Variants in CNTNAP4 observed in about 807,000 individuals in gnomAD.
The protein encoded by CNTNAP4 is contactin associated protein family member 4.
A neutral mutation model predicts 148.4 loss-of-function variants in CNTNAP4; 98 were observed. That is an observed-to-expected ratio of 0.66 (90% CI 0.56 to 0.78). The LOEUF is 0.78. Ranked by LOEUF, CNTNAP4 falls within the 30% of genes least tolerant of loss-of-function variation. CNTNAP4 has a pLI of 0.00. For synonymous variants in CNTNAP4, 730 were observed against 565.1 expected (o/e 1.29, Z -4.14); for missense variants, 1,935 against 1,565.6 (o/e 1.24, Z -3.98).
intron 4 of CNTNAP4, among the ~76,000 whole-genome samples, chr16:76,437,584 A>G (rs1024751942): frequency 1.3e-5 from 2 of 152,142 alleles, no homozygotes; most frequent in South Asian, 4.1e-4. Flanking sequence ...GAATGGGTTC[A>G]TGATAATAAT....
intron 8 of CNTNAP4, among the ~76,000 whole-genome samples, chr16:76,459,908 C>G (rs1379931199): frequency 6.6e-6 from 1 of 152,128 alleles, no homozygotes; most frequent in African/African-American, 2.4e-5. Context: ...ATTCATGACA[C>G]TGGGGCTTCC....
chr16:76,510,386 T>G (rs1373994347), intron 15 of CNTNAP4, among the ~76,000 whole-genome samples: 3 of 152,176 alleles, frequency 2.0e-5, no homozygotes, highest in Admixed American at 2.0e-4. Flanking sequence ...ACATTTTGTT[T>G]AATCACTCAT....
At chr16:76,443,314 C>G (rs1327022578) in intron 4 of CNTNAP4, among the ~76,000 whole-genome samples, 1 of 152,060 alleles carries the variant, frequency 6.6e-6, no homozygotes, top group Admixed American at 6.6e-5. Flanking sequence ...TCACATTTTT[C>G]CTATGGTCAA....
At chr16:76,456,019 AAGAG>A (rs1327362011) in intron 8 of CNTNAP4, among the ~76,000 whole-genome samples, 1 of 152,164 alleles carries the variant, frequency 6.6e-6, no homozygotes, top group African/African-American at 2.4e-5. Context: ...CAGAAAGGGA[AAGAG>A]AGAGAGAACG....
chr16:76,521,194 C>G lies in CNTNAP4; in HGVS notation c.2420C>G (p.Pro807Arg), dbSNP rs755670107. 1.6e-5 allele frequency: 26 copies of G among 1,609,996 alleles called. No individual in the cohort carries two copies. The highest frequency in any genetic ancestry group is 1.6e-4 in the Middle Eastern group (1 of 6,068). ...ACCGAGGCTTCATATCTTCATTTTCCTACCTTCCACGGAGAACTTAGCGCG... is the reference window on the plus strand; with the variant it reads ...ACCGAGGCTTCATATCTTCATTTTCGTACCTTCCACGGAGAACTTAGCGCG... ...FDTEASYLHF[P>R]TFHGELSADV... Residue 807 changes from proline to arginine, a missense_variant, in exon 16 of 24, where the codon CCT becomes CGT. Pro to Arg is a moderately radical substitution (Grantham distance 103, BLOSUM62 -2). Transcript: ENST00000611870.
At chr16:76,488,836 T>G (rs1366465664) in intron 12 of CNTNAP4, among the ~76,000 whole-genome samples, 2 of 152,192 alleles carry the variant, frequency 1.3e-5, no homozygotes, top group Non-Finnish European at 2.9e-5. Context: ...TTACAAACAT[T>G]GTGAGATTTT....
At chr16:76,450,272 C>G (rs532542365) in intron 7 of CNTNAP4, among the ~76,000 whole-genome samples, 1 of 152,236 alleles carries the variant, frequency 6.6e-6, no homozygotes, top group African/African-American at 2.4e-5. Flanking sequence ...ACCTCAGCCT[C>G]CTGAGTAGCT....
intron 21 of CNTNAP4, among the ~76,000 whole-genome samples, chr16:76,546,905 C>A (rs961600265): frequency 6.6e-6 from 1 of 152,108 alleles, no homozygotes; most frequent in Non-Finnish European, 1.5e-5. Flanking sequence ...AAATTATCCC[C>A]CTTGCTTGAT....
chr16:76,364,397 G>C (rs1323857990), intron 3 of CNTNAP4, among the ~76,000 whole-genome samples: 3 of 152,080 alleles, frequency 2.0e-5, no homozygotes, highest in Non-Finnish European at 2.9e-5. Context: ...AGAGGGACTA[G>C]AGTTAACAGG....
At chr16:76,323,636 C>G (rs1485593978) in intron 2 of CNTNAP4, among the ~76,000 whole-genome samples, 1 of 152,168 alleles carries the variant, frequency 6.6e-6, no homozygotes, top group Non-Finnish European at 1.5e-5. Context: ...ACCTGCCTGG[C>G]TGGTTCCCTC....
At position 76,524,825 on chromosome 16, in the gene CNTNAP4, T is replaced by C. The variant is rs1166702017; in HGVS notation, c.2755+2568T>C. On this transcript the variant is annotated intron_variant, in intron 17 of 23. Transcript: ENST00000611870. ...GTCAAGTCACTGAAAATAAAAAAGA[T>C]GAGGCAACATAAAGATTTGTGAAAA... 2.0e-5 allele frequency among the ~76,000 whole-genome samples: 3 copies of C among 152,086 alleles called. No homozygotes were observed. In the East Asian group the frequency reaches 5.8e-4, roughly 29 times the overall value.
intron 1 of CNTNAP4, among the ~76,000 whole-genome samples, chr16:76,311,423 T>A (rs1961095083): frequency 6.6e-6 from 1 of 152,154 alleles, no homozygotes; most frequent in South Asian, 2.1e-4. Context: ...CGGAAAGCCA[T>A]AGATTTGTAT....
intron 3 of CNTNAP4, among the ~76,000 whole-genome samples, chr16:76,418,657 T>A (rs2144975584): frequency 6.6e-6 from 1 of 151,982 alleles, no homozygotes; most frequent in African/African-American, 2.4e-5. Flanking sequence ...TTTAAGCCCT[T>A]GTCTGATTTT....
intron 21 of CNTNAP4, among the ~76,000 whole-genome samples, chr16:76,551,327 G>T (rs940532305): frequency 6.6e-6 from 1 of 151,682 alleles, no homozygotes. Flanking sequence ...GAGCCTGGGA[G>T]GCAAAAGCTG....
At chr16:76,395,239 T>C (rs1260255333) in intron 3 of CNTNAP4, among the ~76,000 whole-genome samples, 2 of 151,708 alleles carry the variant, frequency 1.3e-5, no homozygotes, top group African/African-American at 4.8e-5. Flanking sequence ...ATTAATTTTT[T>C]TTAACTTTAC....
intron 3 of CNTNAP4, among the ~76,000 whole-genome samples, chr16:76,399,809 A>T (rs74026761): frequency 0.041 from 6,303 of 152,298 alleles, 460 homozygotes; most frequent in African/African-American, 0.15. Flanking sequence ...AAGTATGCTG[A>T]TCACATTAGT....
intron 13 of CNTNAP4, among the ~76,000 whole-genome samples, chr16:76,493,164 A>G (rs930168338): frequency 6.6e-6 from 1 of 152,198 alleles, no homozygotes; most frequent in Non-Finnish European, 1.5e-5. Flanking sequence ...CTGAGGTCAC[A>G]ATAAGAAATA....
chr16:76,355,636 C>A, intron 3 of CNTNAP4, 125 bp downstream of exon 3: 1 of 618,536 alleles, frequency 1.6e-6, no homozygotes. Context: ...AAAACATTTT[C>A]CAAGAGAAAA....
intron 3 of CNTNAP4, among the ~76,000 whole-genome samples, chr16:76,427,010 C>A (rs117391201): frequency 6.6e-6 from 1 of 152,050 alleles, no homozygotes; most frequent in Non-Finnish European, 1.5e-5. Flanking sequence ...GTGAAAGAAC[C>A]AAAAGACATC....
Sources: gnomAD v4.1 joint callset for allele counts (sites outside exome capture counted in the v4.1 genomes callset) on GRCh38, gnomAD v4.1.1 for gene constraint, MANE v1.5 for transcripts, NCBI Gene and HGNC (gene_info 2026-07-23, HGNC 2026-07-21) for gene names.